Variants in P3H2 observed in about 807,000 individuals in gnomAD.
P3H2 encodes prolyl 3-hydroxylase 2, also known as leprecan-like 1.
A neutral mutation model predicts 87.0 loss-of-function variants in P3H2; 80 were observed. The observed-to-expected ratio is 0.92, with a 90% CI of 0.77 to 1.11. The LOEUF is 1.11. Ranked by LOEUF, P3H2 falls within the 50% of genes least tolerant of loss-of-function variation. P3H2 has a pLI of 0.00. For missense variants in P3H2, 1,001 were observed against 923.9 expected (o/e 1.08, Z -1.08); for synonymous variants, 367 against 359.3 (o/e 1.02, Z -0.24).
chr3:189,976,168 G>A (rs1723342106), intron 8 of P3H2, among the ~76,000 whole-genome samples: 2 of 152,164 alleles, frequency 1.3e-5, no homozygotes, highest in African/African-American at 4.8e-5. Context: ...AGTACTGTTG[G>A]TGTGTAATTA....
intron 4 of P3H2, among the ~76,000 whole-genome samples, chr3:189,988,219 T>C (rs1348658287): frequency 6.6e-6 from 1 of 152,196 alleles, no homozygotes; most frequent in Non-Finnish European, 1.5e-5. Context: ...CATCCTACAG[T>C]AGCAAACTAC....
intron 1 of P3H2, among the ~76,000 whole-genome samples, chr3:190,105,484 T>C (rs988319377): frequency 4.6e-5 from 7 of 152,182 alleles, no homozygotes; most frequent in African/African-American, 1.7e-4. Context: ...ATCTTCTTTG[T>C]CTCTCTTGAA....
chr3:190,002,731 C>A (rs1331729609), intron 1 of P3H2, among the ~76,000 whole-genome samples: 1 of 152,198 alleles, frequency 6.6e-6, no homozygotes, highest in Non-Finnish European at 1.5e-5. Context: ...CAAACTAAAG[C>A]TGGCATATTT....
At chr3:190,112,882 A>C (rs554327323) in intron 1 of P3H2, among the ~76,000 whole-genome samples, 1 of 152,182 alleles carries the variant, frequency 6.6e-6, no homozygotes, top group East Asian at 1.9e-4. Context: ...GCAGGAAAGG[A>C]GGGATGAATA....
chr3:190,107,036 AG>A (rs1330768196), intron 1 of P3H2, among the ~76,000 whole-genome samples: 2 of 152,168 alleles, frequency 1.3e-5, no homozygotes, highest in African/African-American at 4.8e-5. Flanking sequence ...TGACTTTTTA[AG>A]TCTGTTAAAG....
At chr3:189,965,982 A>G (rs2108904143) in intron 13 of P3H2, among the ~76,000 whole-genome samples, 1 of 149,828 alleles carries the variant, frequency 6.7e-6, no homozygotes, top group East Asian at 1.9e-4. Flanking sequence ...AAAAAAAAAA[A>G]GAAAGAAAGA....
intron 1 of P3H2, among the ~76,000 whole-genome samples, chr3:190,000,251 C>G (rs956112389): frequency 1.3e-5 from 2 of 152,292 alleles, no homozygotes; most frequent in African/African-American, 4.8e-5. Flanking sequence ...AGTTTTAAAA[C>G]TTACCACCCG....
chr3:190,006,938 C>T (rs1724406449), intron 1 of P3H2, among the ~76,000 whole-genome samples: 1 of 151,920 alleles, frequency 6.6e-6, no homozygotes, highest in South Asian at 2.1e-4. Flanking sequence ...TTTTTATTCC[C>T]GGAAAAGGGG....
rs1291899476 is a variant in P3H2 at position 190,120,257 on chromosome 3, T to C, written c.475A>G (p.Ile159Val). ...GAGGAGCGCTCTGTGGGTACCTTGA[T>C]GTAGGCCCGCTGCAGGTAGTTGTAG... ...VPYNYLQRAY[I>V]KLNQLEKAVE... Residue 159 changes from isoleucine (I) to valine (V), a missense_variant, in exon 1 of 15, where the codon ATC becomes GTC. Ile to Val is a conservative substitution (Grantham distance 29). Coordinates refer to ENST00000319332, the MANE Select transcript of P3H2 (RefSeq NM_018192.4). 5 of 1,610,588 alleles carry C rather than the reference T, an allele frequency of 3.1e-6. No homozygotes were observed. The highest frequency in any genetic ancestry group is 4.2e-6 in the Non-Finnish European group (5 of 1,179,232).
At chr3:190,095,837 C>G (rs899094377) in intron 1 of P3H2, among the ~76,000 whole-genome samples, 2 of 151,972 alleles carry the variant, frequency 1.3e-5, no homozygotes, top group Non-Finnish European at 2.9e-5. Flanking sequence ...CTCCTGACCT[C>G]GTGATTCGCC....
chr3:190,060,250 A>G (rs571170520), intron 1 of P3H2, among the ~76,000 whole-genome samples: 3 of 152,272 alleles, frequency 2.0e-5, no homozygotes, highest in Admixed American at 6.5e-5. Context: ...GAAAAATACA[A>G]CATTTGCCAC....
intron 2 of P3H2, 80 bp downstream of exon 2, chr3:189,995,210 C>G (rs1351165889): frequency 4.5e-6 from 6 of 1,329,968 alleles, no homozygotes; most frequent in Middle Eastern, 1.9e-4. Flanking sequence ...GATATTCATT[C>G]ATAGAAATTT....
At position 190,120,874 on chromosome 3, in the gene P3H2, C is replaced by T; in HGVS notation, c.-143G>A. ...CCGCTCCGCGAGCCCCAGGTGACCG[C>T]CGGCGCTCCGCGTACTGAGAGGCGG... On this transcript the variant is annotated 5_prime_UTR_variant, in exon 1 of 15. Transcript: ENST00000319332. 7.6e-7 allele frequency: 1 copy of T among 1,322,656 alleles called. No homozygotes were observed. Among genetic ancestry groups the T allele is most frequent in the Non-Finnish European group, 9.9e-7 (1 of 1,012,630 alleles). The allele number at this position is 1,322,656 out of a possible 1,614,324, so 81.9% of individuals were successfully genotyped here.
intron 1 of P3H2, among the ~76,000 whole-genome samples, chr3:190,046,433 C>T (rs536740023): frequency 1.2e-4 from 19 of 152,266 alleles, no homozygotes; most frequent in African/African-American, 4.6e-4. Flanking sequence ...ACAGTCTACT[C>T]AGGTATAATG....
chr3:190,056,503 C>T (rs756576162), intron 1 of P3H2, among the ~76,000 whole-genome samples: 1 of 152,168 alleles, frequency 6.6e-6, no homozygotes, highest in Admixed American at 6.5e-5. Flanking sequence ...TTCTGGGAAA[C>T]CTTTAAATAT....
chr3:190,040,671 C>A (rs1031912875), intron 1 of P3H2, among the ~76,000 whole-genome samples: 1 of 152,080 alleles, frequency 6.6e-6, no homozygotes, highest in African/African-American at 2.4e-5. Context: ...CACAAAGTAT[C>A]CCTGACTTAA....
At chr3:190,021,267 T>G (rs13326329) in intron 1 of P3H2, among the ~76,000 whole-genome samples, 5,606 of 135,144 alleles carry the variant, frequency 0.041, 1,033 homozygotes, top group African/African-American at 0.13. Context: ...GGTGGAGAAA[T>G]GAGCACAATC....
intron 1 of P3H2, among the ~76,000 whole-genome samples, chr3:190,112,991 C>T (rs1712132346): frequency 6.6e-6 from 1 of 151,988 alleles, no homozygotes; most frequent in East Asian, 1.9e-4. Context: ...TTCCACCAGA[C>T]AACTGTGACT....
At chr3:190,065,414 A>T (rs1382482292) in intron 1 of P3H2, among the ~76,000 whole-genome samples, 3 of 152,182 alleles carry the variant, frequency 2.0e-5, no homozygotes, top group African/African-American at 7.2e-5. Context: ...TCAGAGGAAG[A>T]GTACTCCTCC....
Sources: gnomAD v4.1 joint callset for allele counts (sites outside exome capture counted in the v4.1 genomes callset) on GRCh38, gnomAD v4.1.1 for gene constraint, MANE v1.5 for transcripts, NCBI Gene and HGNC (gene_info 2026-07-23, HGNC 2026-07-21) for gene names.